SCARF1: variants seen among roughly 807,000 people sequenced by gnomAD.
SCARF1 encodes the protein acetyl LDL receptor.
SCARF1 carries 49 observed loss-of-function variants against 76.3 expected under a neutral mutation model. The ratio of observed to expected loss-of-function variants is 0.64; its 90% CI spans 0.51 to 0.81. The LOEUF (loss-of-function observed/expected upper bound fraction) is 0.81, where lower values mean the gene tolerates loss of function less well. SCARF1 is among the 40% of genes least tolerant of loss of function. SCARF1 has a pLI of 0.00. For missense variants in SCARF1, 1,098 were observed against 1,143.9 expected, an observed-to-expected ratio of 0.96 and a Z score of 0.58; for synonymous variants, 495 against 474.6, an observed-to-expected ratio of 1.04 and a Z score of -0.56.
intron 7 of SCARF1, among the ~76,000 whole-genome samples, chr17:1,639,332 C>T (rs1319652054): frequency 6.6e-6 from 1 of 152,224 alleles, no homozygotes; most frequent in East Asian, 1.9e-4. Flanking sequence ...ATGGTGAAAC[C>T]CTGTCTCTAC....
intron 8 of SCARF1, among the ~76,000 whole-genome samples, chr17:1,637,327 C>CCCAT (rs1909655083): frequency 9.0e-6 from 1 of 111,118 alleles, no homozygotes; most frequent in South Asian, 3.0e-4. Flanking sequence ...TAAAACAGAT[C>CCCAT]CTATCTATCT....
Position 1,645,429 on chromosome 17 carries a change from C to T in SCARF1, c.101+168G>A. ...CTGACCCTTCCACCATCTGCCCTGG[C>T]TGGCCACTACCTGCCAGACCGCCAT... On this transcript the variant is annotated intron_variant, in intron 1 of 10. Coordinates refer to ENST00000263071, the MANE Select transcript of SCARF1 (RefSeq NM_003693.4). The surrounding 1 kb of genome is among the most constrained non-coding windows in gnomAD (Gnocchi z 6.3). 2 of 1,482,614 alleles carry T rather than the reference C, an allele frequency of 1.3e-6. No individual in the cohort carries two copies. The highest frequency in any genetic ancestry group is 1.8e-6 in the Non-Finnish European group (2 of 1,106,862). The allele number at this position is 1,482,614 out of a possible 1,614,324, so 91.8% of individuals were successfully genotyped here. A position where few individuals can be genotyped will look rare whatever the true frequency, so the allele number is the denominator to read the frequency against.
At chr17:1,636,245 C>T (rs930725077) in intron 10 of SCARF1, among the ~76,000 whole-genome samples, 1 of 152,178 alleles carries the variant, frequency 6.6e-6, no homozygotes, top group African/African-American at 2.4e-5. Context: ...GATGACTGCC[C>T]ATCTGACTCT....
At position 1,636,704 on chromosome 17, in the gene SCARF1, G is replaced by T; in HGVS notation, c.1633+5C>A. 6.2e-7 allele frequency: 1 copy of T among 1,613,638 alleles called. No homozygotes were observed. The highest frequency in any genetic ancestry group is 8.5e-7 in the Non-Finnish European group (1 of 1,179,688). ...CAGGGGCTATGTGGGCTGTTGGGGG[G>T]CTACCTTCTTGGGGTGGCACACAGT... On this transcript the variant is annotated splice_donor_5th_base_variant and intron_variant, in intron 10 of 10. Coordinates refer to ENST00000263071, the MANE Select transcript of SCARF1 (RefSeq NM_003693.4).
chr17:1,638,962 C>G, intron 7 of SCARF1, 36 bp from the exon 8 acceptor site: 1 of 1,550,612 alleles, frequency 6.4e-7, no homozygotes, highest in South Asian at 1.2e-5. Flanking sequence ...TTCAGGCCTT[C>G]CTGTCTCCTA....
rs770950799 is a variant in SCARF1, at chr17:1,635,308, G to A, written c.1943C>T (p.Pro648Leu). ...TGAATCCCCGGGACTGGCAGCCGCC[G>A]GAAAGGACTCGGGGGCTTCTGCTTC... is the stretch of plus-strand genomic sequence containing the variant. ...PEEAEAPESF[P>L]AAASPGDSAT... The change falls in exon 11 of 11, where the codon CCG becomes CTG. Residue 648 changes from proline (P) to leucine (L), a missense_variant. Pro to Leu is a moderately conservative substitution (Grantham distance 98). Transcript: ENST00000263071. 1.8e-5 allele frequency: 29 copies of A among 1,612,298 alleles called. No homozygotes were observed. The highest frequency in any genetic ancestry group is 5.5e-5 in the South Asian group (5 of 91,052).
intron 8 of SCARF1, among the ~76,000 whole-genome samples, chr17:1,637,764 G>A (rs1001743173): frequency 3.9e-5 from 6 of 152,092 alleles, no homozygotes; most frequent in Admixed American, 2.0e-4. Context: ...GAGTCACTGC[G>A]CCCGGCGCAC....
chr17:1,641,986 T>C (rs1290130288), intron 4 of SCARF1, among the ~76,000 whole-genome samples: 1 of 152,124 alleles, frequency 6.6e-6, no homozygotes, highest in Non-Finnish European at 1.5e-5. Flanking sequence ...CCTCTCAAAG[T>C]GCTGGGATTA....
rs1388415929 is a variant in SCARF1 at position 1,638,852 on chromosome 17, A to C, written c.1318T>G (p.Cys440Gly). The change falls in exon 8 of 11, where the codon TGC becomes GGC. Residue 440 changes from cysteine (C) to glycine (G), a missense_variant. Transcript: ENST00000263071. ...GGGGCCCAGCAGCAGCAGGCACAGC[A>C]GGCAAGGCCCAGGAAGAGCAGCAGC... The part of the protein sequence containing the change: ...PLLLLFLGLA[C>G]CACCCWAPRS... The C allele has an allele frequency of 9.3e-6, 15 of 1,610,998 alleles. No individual in the cohort carries two copies. The highest frequency in any genetic ancestry group is 1.3e-5 in the Non-Finnish European group (15 of 1,178,480).
chr17:1,645,212 T>C lies in SCARF1; in HGVS notation c.129A>G (p.Ala43=), dbSNP rs1910435463. The C allele has an allele frequency of 6.2e-7, 1 of 1,613,538 alleles. No homozygotes were observed. The highest frequency in any genetic ancestry group is 1.3e-5 in the African/African-American group (1 of 75,004). ...SSPSAELQCC[A]GWRQKDQECT... Reference sequence around the variant, plus strand: ...ATTCTTGATCCTTCTGCCTCCAGCCTGCGCAGCACTGCAGCTCAGCAGAGG... The same window carrying C: ...ATTCTTGATCCTTCTGCCTCCAGCCCGCGCAGCACTGCAGCTCAGCAGAGG... Residue 43 remains alanine, a synonymous_variant, in exon 2 of 11, where the codon GCA becomes GCG. Transcript: ENST00000263071. This position sits in a 1 kb window ranked among gnomAD's most constrained non-coding sequence, Gnocchi z 6.3.
Position 1,645,670 on chromosome 17 carries a change from G to A in SCARF1, c.28C>T (p.Leu10=). Residue 10 remains leucine, a synonymous_variant, in exon 1 of 11, where the codon CTG becomes TTG. Coordinates refer to ENST00000263071, the MANE Select transcript of SCARF1 (RefSeq NM_003693.4). This position sits in a 1 kb window ranked among gnomAD's most constrained non-coding sequence, Gnocchi z 6.3. The part of the protein sequence containing the change: MGLGLLLPL[L]LLWTRGTQGS... ...TGAGTCCCCCGAGTCCAGAGCAGCA[G>A]CAGCGGGAGCAGCAGCCCCAGCCCC... is the stretch of plus-strand genomic sequence containing the variant. 1 of 1,607,180 alleles carries A rather than the reference G, an allele frequency of 6.2e-7. No homozygotes were observed. Among genetic ancestry groups the A allele is most frequent in the East Asian group, 2.2e-5 (1 of 44,810 alleles).
intron 8 of SCARF1, among the ~76,000 whole-genome samples, chr17:1,637,263 G>A (rs1272050139): frequency 2.0e-5 from 3 of 152,094 alleles, no homozygotes; most frequent in Non-Finnish European, 2.9e-5. Flanking sequence ...TCAGACAGCC[G>A]AGTAACAACT....
rs140608911 is a variant in SCARF1, at chr17:1,640,495, T to C, written c.963A>G (p.Pro321=). ...PHCRHGEACE[P]DTGHCQRCDP... ...CACAGCGCTGACAGTGGCCAGTATC[T>C]GGCTCACAGGCCTCCCCATGTCGGC... is the stretch of plus-strand genomic sequence containing the variant. The change falls in exon 5 of 11, where the codon CCA becomes CCG. Residue 321 remains proline, a synonymous_variant. Coordinates refer to ENST00000263071, the MANE Select transcript of SCARF1 (RefSeq NM_003693.4). This position sits in a 1 kb window ranked among gnomAD's most constrained non-coding sequence, Gnocchi z 4.7. The C allele has an allele frequency of 1.9e-5, 30 of 1,580,164 alleles. No homozygotes were observed. In the Admixed American group the frequency reaches 2.0e-4, roughly 10 times the overall value.
rs374582336 is a variant in SCARF1 at position 1,640,432 on chromosome 17, A to G, written c.1010+16T>C. ...GGGGAAGGTGTACCCCACCCTGAACAGAATGGTGCCCTCACCTGGGCCCCA... is the reference window on the plus strand; with the variant it reads ...GGGGAAGGTGTACCCCACCCTGAACGGAATGGTGCCCTCACCTGGGCCCCA... On this transcript the variant is annotated intron_variant, in intron 5 of 10. Coordinates refer to ENST00000263071, the MANE Select transcript of SCARF1 (RefSeq NM_003693.4). This position sits in a 1 kb window ranked among gnomAD's most constrained non-coding sequence, Gnocchi z 4.7. 1 of 1,545,782 alleles carries G rather than the reference A, an allele frequency of 6.5e-7. No homozygotes were observed. The highest frequency in any genetic ancestry group is 8.7e-7 in the Non-Finnish European group (1 of 1,143,990).
chr17:1,634,728 C>A lies in SCARF1; in HGVS notation c.*30G>T. 6.4e-7 allele frequency: 1 copy of A among 1,553,936 alleles called. No homozygotes were observed. Among genetic ancestry groups the A allele is most frequent in the Non-Finnish European group, 8.7e-7 (1 of 1,147,568 alleles). Reference sequence around the variant, plus strand: ...AGCACACAGCACAGTCTAGTCCATCCACTCTCCCCACTCCCCAAATTCAAG... The same window carrying A: ...AGCACACAGCACAGTCTAGTCCATCAACTCTCCCCACTCCCCAAATTCAAG... On this transcript the variant is annotated 3_prime_UTR_variant, in exon 11 of 11. Transcript: ENST00000263071.
rs1296066775 is a variant in SCARF1 at position 1,643,581 on chromosome 17, C to G, written c.652G>C (p.Glu218Gln). The part of the protein sequence containing the change: ...CACRPGWWGP[E>Q]CQQQCECVRG... ...ACACACTCGCACTGCTGCTGGCATTCGGGACCCCACCAGCCCGGCCGGCAG... is the reference window on the plus strand; with the variant it reads ...ACACACTCGCACTGCTGCTGGCATTGGGGACCCCACCAGCCCGGCCGGCAG... Residue 218 changes from glutamate (E) to glutamine (Q), a missense_variant, in exon 4 of 11, where the codon GAA becomes CAA. Transcript: ENST00000263071. 2 of 1,473,476 alleles carry G rather than the reference C, an allele frequency of 1.4e-6. No homozygotes were observed. Among genetic ancestry groups the G allele is most frequent in the Non-Finnish European group, 1.8e-6 (2 of 1,119,676 alleles). 91.3% of individuals were successfully genotyped at this position (1,473,476 alleles called of 1,614,324 possible).
intron 7 of SCARF1, 127 bp from the exon 8 acceptor site, chr17:1,639,053 C>A: frequency 1.0e-6 from 1 of 990,922 alleles, no homozygotes; most frequent in Non-Finnish European, 1.5e-6. Context: ...GGCAGCCCCT[C>A]TGCTGGCGTG....
In SCARF1 at chr17:1,644,612, G is replaced by A; in HGVS notation, c.265+222C>T. The A allele has an allele frequency of 1.7e-6, 1 of 597,094 alleles. No individual in the cohort carries two copies. Among genetic ancestry groups the A allele is most frequent in the Non-Finnish European group, 3.0e-6 (1 of 334,452 alleles). 37.0% of individuals were successfully genotyped at this position (597,094 alleles called of 1,614,324 possible). A position where few individuals can be genotyped will look rare whatever the true frequency, so the allele number is the denominator to read the frequency against. On this transcript the variant is annotated intron_variant, in intron 3 of 10. Transcript: ENST00000263071. The surrounding 1 kb of genome is among the most constrained non-coding windows in gnomAD (Gnocchi z 4.8). ...AGAAGTGGAAGAGGAAGATGCTCAGGTGGGCAGTGCTTTGTGGATGTGGGT... is the reference window on the plus strand; with the variant it reads ...AGAAGTGGAAGAGGAAGATGCTCAGATGGGCAGTGCTTTGTGGATGTGGGT...
In SCARF1 at chr17:1,634,534, T is replaced by C; in HGVS notation, c.*224A>G. Reference sequence around the variant, plus strand: ...TCCAGGACAGCAGAGCAAAAGTCCCTGCAGGCAACCCTTCCTGACCCCATC... The same window carrying C: ...TCCAGGACAGCAGAGCAAAAGTCCCCGCAGGCAACCCTTCCTGACCCCATC... On this transcript the variant is annotated 3_prime_UTR_variant, in exon 11 of 11. Coordinates refer to ENST00000263071, the MANE Select transcript of SCARF1 (RefSeq NM_003693.4). 1 of 472,088 alleles carries C rather than the reference T, an allele frequency of 2.1e-6. No homozygotes were observed. The highest frequency in any genetic ancestry group is 3.6e-6 in the Non-Finnish European group (1 of 274,322). The allele number at this position is 472,088 out of a possible 1,614,324, so 29.2% of individuals were successfully genotyped here.
Sources: allele counts gnomAD v4.1 joint callset (sites outside exome capture counted in the v4.1 genomes callset), GRCh38; gene constraint gnomAD v4.1.1; non-coding constraint Gnocchi (gnomAD v3.1); transcripts MANE v1.5; gene names NCBI Gene and HGNC (gene_info 2026-07-23, HGNC 2026-07-21).